The following KLF8 variants were observed in gnomAD, a reference collection of about 807,000 sequenced individuals.
The protein encoded by KLF8 is Krueppel-like factor 8.
A neutral mutation model predicts 18.2 loss-of-function variants in KLF8; 10 were observed. That is an observed-to-expected ratio of 0.55 (90% CI 0.34 to 0.93). The LOEUF is 0.93. Among genes scored for constraint, KLF8 ranks in the 40% least tolerant of loss-of-function variants. The pLI is 0.02. For missense variants in KLF8, 264 were observed against 277.9 expected (o/e 0.95, Z 0.36); for synonymous variants, 109 against 97.3 (o/e 1.12, Z -0.71).
chrX:56,009,615 T>C, the KLF8 span, among the ~76,000 whole-genome samples: 6 of 111,966 alleles, frequency 5.4e-5, no homozygotes, highest in African/African-American at 1.9e-4. Context: ...CTGTAATGGA[T>C]GAATTGACAG....
chrX:56,109,901 C>A, the KLF8 span, among the ~76,000 whole-genome samples: 2 of 111,071 alleles, frequency 1.8e-5, no homozygotes, highest in Admixed American at 1.9e-4. Flanking sequence ...TTAAGCCCAG[C>A]ATGCATTAGC....
the KLF8 span, among the ~76,000 whole-genome samples, chrX:56,113,842 C>G: frequency 3.6e-5 from 4 of 110,718 alleles, no homozygotes; most frequent in African/African-American, 9.9e-5. Context: ...CACCCAGTCA[C>G]GATGCAGGAG....
chrX:56,161,908 C>T, the KLF8 span, among the ~76,000 whole-genome samples: 1 of 111,396 alleles, frequency 9.0e-6, no homozygotes, highest in Non-Finnish European at 1.9e-5. Context: ...GTTTTATCTA[C>T]CTTTGGTCTT....
chrX:56,081,577 T>G, the KLF8 span, among the ~76,000 whole-genome samples: 4 of 112,242 alleles, frequency 3.6e-5, no homozygotes, highest in Non-Finnish European at 7.5e-5. Flanking sequence ...GGGAAACTTT[T>G]GTCTTTCACT....
chrX:56,060,198 C>G, the KLF8 span, among the ~76,000 whole-genome samples: 1 of 111,553 alleles, frequency 9.0e-6, no homozygotes, highest in South Asian at 3.8e-4. Context: ...GCCTGATTGC[C>G]CTGGCCGGAA....
upstream of KLF8, among the ~76,000 whole-genome samples, chrX:56,229,702 G>A (rs1477264693): frequency 9.0e-6 from 1 of 111,606 alleles, no homozygotes; most frequent in African/African-American, 3.3e-5. Context: ...TGAGACAGAG[G>A]CCATCTCTAA....
the KLF8 span, among the ~76,000 whole-genome samples, chrX:56,022,404 G>T: frequency 9.3e-6 from 1 of 107,705 alleles, no homozygotes; most frequent in African/African-American, 3.4e-5. Flanking sequence ...AAATTAGCTG[G>T]GCATGGTGGT....
the KLF8 span, among the ~76,000 whole-genome samples, chrX:56,078,979 G>A: frequency 4.2e-4 from 39 of 93,878 alleles, 1 homozygote; most frequent in African/African-American, 9.4e-4. Context: ...CTGTGGGATC[G>A]ATGGTGATAT....
intron 1 of KLF8, among the ~76,000 whole-genome samples, chrX:56,234,282 T>A (rs767694088): frequency 4.5e-5 from 5 of 111,809 alleles, no homozygotes; most frequent in Admixed American, 9.5e-5. Context: ...TTTGGGGTAA[T>A]CTGCTTTGAA....
At chrX:55,977,887 C>T in the KLF8 span, among the ~76,000 whole-genome samples, 5 of 110,562 alleles carry the variant, frequency 4.5e-5, no homozygotes, top group Non-Finnish European at 9.4e-5. Flanking sequence ...ACAAGGAGAG[C>T]TCTATCATTT....
At chrX:56,179,000 GT>G in the KLF8 span, among the ~76,000 whole-genome samples, 1 of 112,117 alleles carries the variant, frequency 8.9e-6, no homozygotes, top group Non-Finnish European at 1.9e-5. Flanking sequence ...TTTTAAAGCA[GT>G]TTTTTTCAAT....
the KLF8 span, among the ~76,000 whole-genome samples, chrX:56,064,227 C>G: frequency 9.3e-6 from 1 of 108,084 alleles, no homozygotes; most frequent in Non-Finnish European, 1.9e-5. Context: ...CTGCCTAGGA[C>G]TCAGGAGGTA....
the KLF8 span, among the ~76,000 whole-genome samples, chrX:56,077,335 G>C: frequency 8.9e-6 from 1 of 111,932 alleles, no homozygotes; most frequent in Non-Finnish European, 1.9e-5. Context: ...GTAAGGAAGG[G>C]ATCCAGTTTC....
the KLF8 span, among the ~76,000 whole-genome samples, chrX:55,978,063 C>A: frequency 0.012 from 1,344 of 110,000 alleles, 8 homozygotes; most frequent in Non-Finnish European, 0.019. Context: ...TTCTCTCTCT[C>A]TCTATATATA....
chrX:55,960,638 A>G, the KLF8 span, among the ~76,000 whole-genome samples: 4 of 109,994 alleles, frequency 3.6e-5, no homozygotes, highest in African/African-American at 1.3e-4. Context: ...AAAGAAGAAG[A>G]AGGAGAAGGA....
the KLF8 span, among the ~76,000 whole-genome samples, chrX:56,073,136 G>A: frequency 9.1e-6 from 1 of 109,809 alleles, no homozygotes; most frequent in Non-Finnish European, 1.9e-5. Flanking sequence ...ACAGGCGCCC[G>A]CCACCACGCC....
the KLF8 span, among the ~76,000 whole-genome samples, chrX:56,125,559 G>A: frequency 2.7e-5 from 3 of 111,922 alleles, no homozygotes; most frequent in Admixed American, 9.5e-5. Context: ...TCTAGTGGTC[G>A]GCTATTGTTT....
At chrX:56,035,697 ATT>A in the KLF8 span, among the ~76,000 whole-genome samples, 2 of 111,626 alleles carry the variant, frequency 1.8e-5, no homozygotes, top group Non-Finnish European at 3.8e-5. Flanking sequence ...TTTGATTTGC[ATT>A]TCTTTGATGA....
At chrX:56,181,590 G>A in the KLF8 span, among the ~76,000 whole-genome samples, 1 of 111,552 alleles carries the variant, frequency 9.0e-6, no homozygotes. Context: ...ATGTTTTTCA[G>A]TAGCTGGTAC....
Sources: allele counts gnomAD v4.1 joint callset (sites outside exome capture counted in the v4.1 genomes callset), GRCh38; gene constraint gnomAD v4.1.1; transcripts MANE v1.5; gene names NCBI Gene and HGNC (gene_info 2026-07-23, HGNC 2026-07-21).